The following GADL1 variants were observed in gnomAD, a reference collection of about 807,000 sequenced individuals.
GADL1 encodes the protein GAD like acidic amino acid decarboxylase 1, also known as acidic amino acid decarboxylase GADL1.
In GADL1, 71 loss-of-function variants were observed where a neutral mutation model predicts 69.5. The observed-to-expected ratio is 1.02, with a 90% CI of 0.84 to 1.25. The LOEUF (loss-of-function observed/expected upper bound fraction) is 1.25. GADL1 is among the 50% of genes most tolerant of loss of function. GADL1 has a pLI of 0.00. For missense variants in GADL1, 737 were observed against 631.8 expected (o/e 1.17, Z -1.79); for synonymous variants, 254 against 214.4 (o/e 1.18, Z -1.62).
At chr3:30,769,417 T>TCA (rs1292470965) in intron 14 of GADL1, among the ~76,000 whole-genome samples, 12 of 152,032 alleles carry the variant, frequency 7.9e-5, no homozygotes, top group South Asian at 2.1e-4. Context: ...CCTCCTTAGG[T>TCA]TACGCAAAGA....
chr3:30,845,684 A>G (rs1698041041), intron 6 of GADL1, among the ~76,000 whole-genome samples: 1 of 152,212 alleles, frequency 6.6e-6, no homozygotes, highest in African/African-American at 2.4e-5. Context: ...AAAAGACCAT[A>G]TGCATATTGA....
intron 14 of GADL1, among the ~76,000 whole-genome samples, chr3:30,756,963 GGA>G (rs374076682): frequency 1.3e-5 from 2 of 152,294 alleles, no homozygotes; most frequent in African/African-American, 4.8e-5. Flanking sequence ...ACATGTCAAA[GGA>G]GAGGGGTAAT....
At chr3:30,733,963 C>T (rs899845232) in intron 14 of GADL1, among the ~76,000 whole-genome samples, 5 of 152,126 alleles carry the variant, frequency 3.3e-5, no homozygotes, top group African/African-American at 1.2e-4. Flanking sequence ...TCTCACTGTA[C>T]TCAGGAGAAA....
intron 11 of GADL1, among the ~76,000 whole-genome samples, chr3:30,809,696 A>G (rs1697317747): frequency 1.3e-5 from 2 of 152,158 alleles, no homozygotes; most frequent in African/African-American, 2.4e-5. Context: ...GTTTGCTGAT[A>G]CTTGTTTTAA....
At chr3:30,793,444 T>C (rs1488848195) in intron 12 of GADL1, among the ~76,000 whole-genome samples, 3 of 152,144 alleles carry the variant, frequency 2.0e-5, no homozygotes, top group Non-Finnish European at 4.4e-5. Context: ...TTTGGGGACA[T>C]AATGCAGAAA....
intron 14 of GADL1, among the ~76,000 whole-genome samples, chr3:30,770,994 CG>C (rs1559494913): frequency 6.6e-6 from 1 of 152,064 alleles, no homozygotes; most frequent in African/African-American, 2.4e-5. Flanking sequence ...AAATTTTATG[CG>C]TTGAAAGATG....
intron 14 of GADL1, among the ~76,000 whole-genome samples, chr3:30,755,380 T>TAA (rs10700303): frequency 0.42 from 64,477 of 151,906 alleles, 14,196 homozygotes; most frequent in African/African-American, 0.53. Flanking sequence ...CTAAAAAACT[T>TAA]GTTTTTCTAT....
chr3:30,833,647 C>G (rs1021434885), intron 11 of GADL1, among the ~76,000 whole-genome samples: 2 of 152,034 alleles, frequency 1.3e-5, no homozygotes, highest in Non-Finnish European at 2.9e-5. Context: ...ATACCTAAAT[C>G]AAATCCACAA....
Position 30,894,639 on chromosome 3 carries a change from C to T in GADL1, c.-25G>A. On this transcript the variant is annotated 5_prime_UTR_variant, in exon 1 of 15. Coordinates refer to ENST00000282538, the MANE Select transcript of GADL1 (RefSeq NM_207359.3). ...TCTCCGCTCCCCCACTCCAGGCTGCCCCGGGCGCGGCTCCCGCAGTCTGGG... is the reference window on the plus strand; with the variant it reads ...TCTCCGCTCCCCCACTCCAGGCTGCTCCGGGCGCGGCTCCCGCAGTCTGGG... 1 of 1,549,062 alleles carries T rather than the reference C, an allele frequency of 6.5e-7. No individual in the cohort carries two copies. The highest frequency in any genetic ancestry group is 1.7e-4 in the Middle Eastern group (1 of 5,976).
At chr3:30,780,581 CA>C (rs1696644520) in intron 13 of GADL1, among the ~76,000 whole-genome samples, 1 of 152,158 alleles carries the variant, frequency 6.6e-6, no homozygotes, top group African/African-American at 2.4e-5. Flanking sequence ...AATATGTCAC[CA>C]AATTTGTTAT....
In GADL1 at chr3:30,834,840, T is replaced by C. The variant is rs190587480; in HGVS notation, c.904-559A>G. On this transcript the variant is annotated intron_variant, in intron 9 of 14. Coordinates refer to ENST00000282538, the MANE Select transcript of GADL1 (RefSeq NM_207359.3). ...CTTGGGACAAAAGGAAGTTATCCACTGGAGAAGTAAATTTTGTGAGCAAAG... is the reference window on the plus strand; with the variant it reads ...CTTGGGACAAAAGGAAGTTATCCACCGGAGAAGTAAATTTTGTGAGCAAAG... Among the ~76,000 whole-genome samples, 739 of 152,154 alleles carry C rather than the reference T, an allele frequency of 4.9e-3. 8 individuals are homozygous for C. Among genetic ancestry groups the C allele is most frequent in the African/African-American group, 0.017 (708 of 41,528 alleles).
chr3:30,754,347 ATATCT>A (rs1254574438), intron 14 of GADL1, among the ~76,000 whole-genome samples: 4 of 145,422 alleles, frequency 2.8e-5, no homozygotes, highest in Non-Finnish European at 6.0e-5. Flanking sequence ...TTATCAAGTA[ATATCT>A]TAGCTTCCTT....
At chr3:30,882,769 C>T (rs1298631546) in intron 1 of GADL1, among the ~76,000 whole-genome samples, 1 of 151,748 alleles carries the variant, frequency 6.6e-6, no homozygotes, top group Non-Finnish European at 1.5e-5. Flanking sequence ...CACCATTGTA[C>T]AATGTCTCTA....
At chr3:30,834,734 C>T (rs1429041714) in intron 9 of GADL1, among the ~76,000 whole-genome samples, 4 of 151,892 alleles carry the variant, frequency 2.6e-5, no homozygotes, top group East Asian at 1.9e-4. Flanking sequence ...ATGAGCTAGG[C>T]GGAAATATCT....
intron 14 of GADL1, among the ~76,000 whole-genome samples, chr3:30,773,985 G>C (rs925527664): frequency 2.0e-5 from 3 of 152,116 alleles, no homozygotes; most frequent in African/African-American, 7.2e-5. Context: ...CCAATTTCCA[G>C]TGTTTCCTAA....
chr3:30,778,259 C>A lies in GADL1; in HGVS notation c.1312G>T (p.Ala438Ser), dbSNP rs143542109. The change falls in exon 14 of 15, where the codon GCC (alanine) becomes TCC (serine). Residue 438 changes from alanine to serine, a missense_variant. Physicochemically the swap from Ala to Ser is moderately conservative, Grantham distance 99. Transcript: ENST00000282538. ...GGAATGTACCAAAAGCAAATATTGG[C>A]ATATTCAGGCTGAGAATTAGAAAAA... ...GFKLLMEPEY[A>S]NICFWYIPPS... 6.2e-7 allele frequency: 1 copy of A among 1,601,584 alleles called. No individual in the cohort carries two copies.
At chr3:30,770,492 G>A (rs1391374338) in intron 14 of GADL1, among the ~76,000 whole-genome samples, 1 of 152,232 alleles carries the variant, frequency 6.6e-6, no homozygotes, top group African/African-American at 2.4e-5. Context: ...AACAATAGAT[G>A]TTCATGAAAT....
intron 11 of GADL1, among the ~76,000 whole-genome samples, chr3:30,816,849 A>AT (rs1421230427): frequency 6.6e-6 from 1 of 152,074 alleles, no homozygotes; most frequent in African/African-American, 2.4e-5. Context: ...CCTGGCCCAC[A>AT]TACTAATTTC....
intron 11 of GADL1, among the ~76,000 whole-genome samples, chr3:30,823,790 G>C (rs9818847): frequency 6.6e-6 from 1 of 151,776 alleles, no homozygotes; most frequent in South Asian, 2.1e-4. Flanking sequence ...CAATAACCTA[G>C]AGATGACAGT....
Sources: allele counts gnomAD v4.1 joint callset (sites outside exome capture counted in the v4.1 genomes callset), GRCh38; gene constraint gnomAD v4.1.1; transcripts MANE v1.5; gene names NCBI Gene and HGNC (gene_info 2026-07-23, HGNC 2026-07-21).